Variants in ARHGEF11 observed in about 807,000 individuals in gnomAD.
The protein encoded by ARHGEF11 is Rho guanine nucleotide exchange factor 11.
Under a neutral mutation model 193.7 loss-of-function variants are expected in ARHGEF11, and 55 were observed. The observed-to-expected ratio is 0.28, with a 90% CI of 0.23 to 0.36. ARHGEF11 has a LOEUF of 0.36. Among genes scored for constraint, ARHGEF11 ranks in the 10% least tolerant of loss-of-function variants. ARHGEF11 has a pLI of 1.00. For synonymous variants in ARHGEF11, 693 were observed against 768.0 expected (o/e 0.90, Z 1.62); for missense variants, 1,723 against 2,005.6 (o/e 0.86, Z 2.69).
At chr1:156,936,370 ACCTGCAATC>A in intron 40 of ARHGEF11, 1 of 435,760 alleles carries the variant, frequency 2.3e-6, no homozygotes, top group Non-Finnish European at 4.5e-6. Context: ...CATGGTGTGC[ACCTGCAATC>A]CCAGCTGCTT....
intron 1 of ARHGEF11, among the ~76,000 whole-genome samples, chr1:157,038,095 C>A (rs1019969138): frequency 1.3e-4 from 18 of 138,314 alleles, no homozygotes; most frequent in African/African-American, 4.8e-4. Flanking sequence ...TCTCTCAGAA[C>A]ACTGAGAACT....
chr1:156,986,565 G>A (rs980136727), intron 1 of ARHGEF11, among the ~76,000 whole-genome samples: 3 of 152,104 alleles, frequency 2.0e-5, no homozygotes, highest in Non-Finnish European at 4.4e-5. Context: ...AAAAAGACAG[G>A]GAAAAAACAA....
At chr1:156,989,283 C>T (rs1358479475) in intron 1 of ARHGEF11, among the ~76,000 whole-genome samples, 1 of 152,060 alleles carries the variant, frequency 6.6e-6, no homozygotes, top group Non-Finnish European at 1.5e-5. Context: ...TTCCCAGACT[C>T]GCTCCTTTCT....
intron 14 of ARHGEF11, among the ~76,000 whole-genome samples, chr1:156,961,065 GC>G (rs983413536): frequency 4.6e-5 from 7 of 152,226 alleles, no homozygotes; most frequent in Non-Finnish European, 7.3e-5. Context: ...CTAGCTTACT[GC>G]CAAAAGAATA....
At chr1:156,980,839 G>A (rs984244683) in intron 3 of ARHGEF11, among the ~76,000 whole-genome samples, 1 of 123,740 alleles carries the variant, frequency 8.1e-6, no homozygotes, top group South Asian at 3.2e-4. Flanking sequence ...ATTCCGGGGG[G>A]GGGGGGGGAA....
At chr1:156,936,485 A>AATAAAAATAAAAAAAAAAAAAT (rs1486013206) in intron 40 of ARHGEF11, among the ~76,000 whole-genome samples, 1 of 75,408 alleles carries the variant, frequency 1.3e-5, no homozygotes, top group African/African-American at 6.1e-5. Flanking sequence ...AAATAGAAAA[A>AATAAAAATAAAAAAAAAAAAAT]AAAAAAAAAA....
intron 7 of ARHGEF11, among the ~76,000 whole-genome samples, chr1:156,976,378 T>C (rs1663261701): frequency 6.6e-6 from 1 of 152,210 alleles, no homozygotes; most frequent in African/African-American, 2.4e-5. Context: ...TCTTTGTTCC[T>C]CCCACTCTCC....
intron 36 of ARHGEF11, 131 bp from the exon 37 acceptor site, chr1:156,940,041 T>A: frequency 5.5e-6 from 8 of 1,453,950 alleles, no homozygotes; most frequent in Non-Finnish European, 6.4e-6. Context: ...TCTGGCCAAC[T>A]AGCTGGTGGG....
At chr1:156,956,648 G>T in intron 18 of ARHGEF11, 84 bp from the exon 19 acceptor site, 1 of 1,561,940 alleles carries the variant, frequency 6.4e-7, no homozygotes, top group South Asian at 1.2e-5. Flanking sequence ...CCACGCAGTG[G>T]AGTGGGGAAG....
At chr1:156,945,753 G>T in intron 29 of ARHGEF11, 1 of 353,100 alleles carries the variant, frequency 2.8e-6, no homozygotes, top group Non-Finnish European at 5.3e-6. Flanking sequence ...GGACCCAGGT[G>T]CCCTTGAGTG....
intron 1 of ARHGEF11, among the ~76,000 whole-genome samples, chr1:157,038,188 AGATTGGTTCCCTACAT>A (rs1158553196): frequency 6.6e-6 from 1 of 152,114 alleles, no homozygotes; most frequent in Non-Finnish European, 1.5e-5. Context: ...GAGGGCTGCT[AGATTGGTTCCCTACAT>A]GATTTGAGGC....
At chr1:157,012,841 C>T (rs558757927) in intron 1 of ARHGEF11, among the ~76,000 whole-genome samples, 1 of 152,284 alleles carries the variant, frequency 6.6e-6, no homozygotes, top group East Asian at 1.9e-4. Flanking sequence ...ATCATCATCA[C>T]CGCCATCCTC....
chr1:156,946,147 G>C lies in ARHGEF11; in HGVS notation c.2710C>G (p.Pro904Ala). Reference protein sequence around the residue: ...QLFMQEAESHPQCRRLQLRDL... With the variant: ...QLFMQEAESHAQCRRLQLRDL... ...CTCAGCTGCAGCCGCCGACACTGAG[G>C]GTGGCTCTCAGCCTCCTAGACAGCA... is the stretch of plus-strand genomic sequence containing the variant. The change falls in exon 29 of 41, where the codon CCT becomes GCT. Residue 904 changes from proline (P) to alanine (A), a missense_variant. By Grantham distance (27) the Pro-to-Ala change is conservative. Transcript: ENST00000368194. 6.2e-7 allele frequency: 1 copy of C among 1,613,606 alleles called. No homozygotes were observed.
intron 11 of ARHGEF11, among the ~76,000 whole-genome samples, chr1:156,967,567 T>C (rs1294180600): frequency 6.6e-6 from 1 of 151,618 alleles, no homozygotes; most frequent in Admixed American, 6.6e-5. Context: ...CTAGGGGAGC[T>C]GAGTTTTTTT....
intron 1 of ARHGEF11, among the ~76,000 whole-genome samples, chr1:157,024,016 G>A (rs1347583253): frequency 1.3e-5 from 2 of 152,098 alleles, no homozygotes; most frequent in African/African-American, 4.8e-5. Flanking sequence ...ATTCATAATA[G>A]CCAAAAAGTA....
chr1:156,936,492 AAAAAAATATATATATAT>A (rs1328577204), intron 40 of ARHGEF11, among the ~76,000 whole-genome samples: 2 of 95,486 alleles, frequency 2.1e-5, no homozygotes, highest in African/African-American at 9.1e-5. Flanking sequence ...AAAAAAAAAA[AAAAAAATATATATATAT>A]ATATATATAT....
chr1:157,022,815 T>C (rs1178747592), intron 1 of ARHGEF11, among the ~76,000 whole-genome samples: 1 of 152,170 alleles, frequency 6.6e-6, no homozygotes, highest in Admixed American at 6.5e-5. Flanking sequence ...CAGAGATCAA[T>C]GGAATGGAAC....
At chr1:157,038,679 TG>T (rs768986923) in intron 1 of ARHGEF11, among the ~76,000 whole-genome samples, 31 of 152,194 alleles carry the variant, frequency 2.0e-4, no homozygotes, top group Non-Finnish European at 4.1e-4. Context: ...GATTTTTTCC[TG>T]AAATCTGTCC....
chr1:156,960,578 G>T (rs190545366), intron 14 of ARHGEF11, 118 bp from the exon 15 acceptor site: 82 of 852,992 alleles, frequency 9.6e-5, no homozygotes, highest in Non-Finnish European at 1.4e-4. Context: ...GCCTACATCT[G>T]CCTACCATCC....
Sources: gnomAD v4.1 joint callset for allele counts (sites outside exome capture counted in the v4.1 genomes callset) on GRCh38, gnomAD v4.1.1 for gene constraint, MANE v1.5 for transcripts, NCBI Gene and HGNC (gene_info 2026-07-23, HGNC 2026-07-21) for gene names.